Variants in AGBL1 observed in about 807,000 individuals in gnomAD.
AGBL1 encodes the protein AGBL carboxypeptidase 1.
Under a neutral mutation model 118.9 loss-of-function variants are expected in AGBL1, and 130 were observed. The observed-to-expected ratio is 1.09, with a 90% CI of 0.95 to 1.26. AGBL1 has a LOEUF of 1.26. Ranked by LOEUF, AGBL1 falls within the 50% of genes most tolerant of loss-of-function variation. The pLI is 0.00. For synonymous variants in AGBL1, 555 were observed against 478.9 expected, an observed-to-expected ratio of 1.16 and a Z score of -2.08; for missense variants, 1,584 against 1,298.1, an observed-to-expected ratio of 1.22 and a Z score of -3.38.
At chr15:86,456,348 C>A (rs1292723016) in intron 18 of AGBL1, among the ~76,000 whole-genome samples, 3 of 152,184 alleles carry the variant, frequency 2.0e-5, no homozygotes, top group Middle Eastern at 3.2e-3. Flanking sequence ...TTTTCCTTCT[C>A]TTGAAAATAT....
intron 22 of AGBL1, among the ~76,000 whole-genome samples, chr15:86,879,559 T>C (rs530976781): frequency 4.2e-4 from 64 of 152,292 alleles, no homozygotes; most frequent in African/African-American, 1.4e-3. Context: ...ACACATCCAT[T>C]TTTAATCTGA....
At chr15:86,662,796 A>C (rs1344746191) in intron 21 of AGBL1, among the ~76,000 whole-genome samples, 3 of 152,178 alleles carry the variant, frequency 2.0e-5, no homozygotes, top group Admixed American at 6.6e-5. Context: ...GGACTTGACT[A>C]TTATGGTCCT....
intron 22 of AGBL1, among the ~76,000 whole-genome samples, chr15:86,784,799 T>C (rs1163830553): frequency 1.3e-5 from 2 of 152,188 alleles, no homozygotes. Flanking sequence ...CCCGAGTTCC[T>C]ACAAGGCATT....
intron 22 of AGBL1, among the ~76,000 whole-genome samples, chr15:86,687,550 C>T (rs2086082035): frequency 6.6e-6 from 1 of 152,106 alleles, no homozygotes; most frequent in Admixed American, 6.6e-5. Context: ...TGGCTGAATA[C>T]TATGTAATAT....
chr15:86,768,272 TCC>T (rs1412291695), intron 22 of AGBL1, among the ~76,000 whole-genome samples: 1 of 151,942 alleles, frequency 6.6e-6, no homozygotes, highest in African/African-American at 2.4e-5. Flanking sequence ...TCCATACCCT[TCC>T]CATTGCATAT....
chr15:86,140,316 G>T (rs971092704), intron 1 of AGBL1: 3 of 151,168 alleles, frequency 2.0e-5, no homozygotes, highest in Non-Finnish European at 4.4e-5. Context: ...GGATTTTGAA[G>T]TCTGATTTTA....
intron 22 of AGBL1, among the ~76,000 whole-genome samples, chr15:86,735,115 C>T (rs992484249): frequency 1.3e-5 from 2 of 151,970 alleles, no homozygotes; most frequent in African/African-American, 4.8e-5. Flanking sequence ...GAGTTCCACT[C>T]TTGTCACGTA....
At chr15:86,185,664 C>A (rs896392176) in intron 5 of AGBL1, among the ~76,000 whole-genome samples, 1 of 151,708 alleles carries the variant, frequency 6.6e-6, no homozygotes, top group African/African-American at 2.4e-5. Flanking sequence ...GGACAAAAAA[C>A]CAAACACTGC....
At chr15:86,815,240 AG>A (rs1322791477) in intron 22 of AGBL1, among the ~76,000 whole-genome samples, 2 of 152,178 alleles carry the variant, frequency 1.3e-5, no homozygotes, top group African/African-American at 2.4e-5. Context: ...TAGATGATTT[AG>A]GAGATATTTT....
chr15:86,258,534 C>T (rs1343753932), intron 9 of AGBL1, among the ~76,000 whole-genome samples: 1 of 152,102 alleles, frequency 6.6e-6, no homozygotes, highest in South Asian at 2.1e-4. Context: ...TGGTCCCCCT[C>T]CCAAAAAGGC....
chr15:86,846,262 T>A (rs570205514), intron 22 of AGBL1, among the ~76,000 whole-genome samples: 8 of 152,336 alleles, frequency 5.3e-5, no homozygotes, highest in Admixed American at 5.2e-4. Flanking sequence ...TTTTGAAGGA[T>A]AGTGTTCCTG....
intron 1 of AGBL1, among the ~76,000 whole-genome samples, chr15:86,084,009 T>A (rs1895467743): frequency 6.6e-6 from 1 of 152,168 alleles, no homozygotes; most frequent in Non-Finnish European, 1.5e-5. Flanking sequence ...CTTTCTGGGT[T>A]TGTTGGAGAT....
At chr15:86,895,070 T>TCCTTCCCTTTCTTTTATCTTCCCC in intron 22 of AGBL1, among the ~76,000 whole-genome samples, 1 of 150,858 alleles carries the variant, frequency 6.6e-6, no homozygotes, top group African/African-American at 2.5e-5. Context: ...TTATCTTCCC[T>TCCTTCCCTTTCTTTTATCTTCCCC]CCTTCCCTTT....
chr15:86,982,687 A>T lies in AGBL1; in HGVS notation c.3222-5300A>T, dbSNP rs2081243361. On this transcript the variant is annotated intron_variant, in intron 23 of 24. Transcript: ENST00000441037. ...TTCACTTCCACTTAGTAAACAGTAA[A>T]CATATTTTCTCTTTCTGGTGATTTT... is the stretch of plus-strand genomic sequence containing the variant. Among the ~76,000 whole-genome samples, 3 of 152,276 alleles carry T rather than the reference A, an allele frequency of 2.0e-5. No homozygotes were observed. The South Asian group carries it at 6.2e-4, about 32-fold the overall frequency.
chr15:86,989,833 G>A (rs2081321281), intron 24 of AGBL1, among the ~76,000 whole-genome samples: 1 of 152,162 alleles, frequency 6.6e-6, no homozygotes, highest in South Asian at 2.1e-4. Context: ...TGAGCTATAT[G>A]GACACATGCA....
At chr15:86,829,278 A>G (rs1049633605) in intron 22 of AGBL1, among the ~76,000 whole-genome samples, 3 of 152,186 alleles carry the variant, frequency 2.0e-5, no homozygotes, top group Admixed American at 2.0e-4. Flanking sequence ...TAGAAGAAAC[A>G]TATGCCACAT....
intron 22 of AGBL1, among the ~76,000 whole-genome samples, chr15:86,794,503 T>C (rs778815261): frequency 6.6e-6 from 1 of 152,072 alleles, no homozygotes; most frequent in African/African-American, 2.4e-5. Context: ...CTTAGAGTAA[T>C]GATGTTCTAG....
At chr15:86,841,635 C>T (rs1224490637) in intron 22 of AGBL1, among the ~76,000 whole-genome samples, 8 of 152,082 alleles carry the variant, frequency 5.3e-5, no homozygotes, top group Admixed American at 2.6e-4. Context: ...CATCTGAGGT[C>T]GGGAGTTTGA....
In AGBL1 at chr15:86,589,721, C is replaced by A. The variant is rs144570066; in HGVS notation, c.2994+35184C>A. On this transcript the variant is annotated intron_variant, in intron 21 of 22. Coordinates refer to ENST00000614907, the MANE Select transcript of AGBL1 (RefSeq NM_001386094.1). ...CATTTGTTTTATAATTTTCCTCCTT[C>A]CCTTCCTTCCTCCTCCTTTCCTCCC... 1.2e-4 allele frequency among the ~76,000 whole-genome samples: 18 copies of A among 152,198 alleles called. 1 individual carries two copies. In the Middle Eastern group the frequency reaches 0.02, roughly 173 times the overall value.
Sources: allele counts gnomAD v4.1 joint callset (sites outside exome capture counted in the v4.1 genomes callset), GRCh38; gene constraint gnomAD v4.1.1; transcripts MANE v1.5; gene names NCBI Gene and HGNC (gene_info 2026-07-23, HGNC 2026-07-21).